Variants in HECW1 observed in about 807,000 individuals in gnomAD.
HECW1 encodes the protein E3 ubiquitin-protein ligase HECW1.
HECW1 carries 61 observed loss-of-function variants against 182.3 expected under a neutral mutation model. The observed-to-expected ratio is 0.33, with a 90% CI of 0.27 to 0.41. The LOEUF (loss-of-function observed/expected upper bound fraction) is 0.41. HECW1 is among the 10% of genes least tolerant of loss of function. HECW1 has a pLI of 1.00. For synonymous variants in HECW1, 859 were observed against 832.6 expected, an observed-to-expected ratio of 1.03 and a Z score of -0.55; for missense variants, 1,739 against 2,108.9, an observed-to-expected ratio of 0.82 and a Z score of 3.44.
At chr7:43,366,385 T>G (rs1816659553) in intron 6 of HECW1, among the ~76,000 whole-genome samples, 1 of 152,216 alleles carries the variant, frequency 6.6e-6, no homozygotes, top group African/African-American at 2.4e-5. Context: ...TACCTTTGGC[T>G]ATAGTAGCAT....
chr7:43,344,001 T>C (rs1458021043), intron 5 of HECW1, among the ~76,000 whole-genome samples: 1 of 151,920 alleles, frequency 6.6e-6, no homozygotes, highest in African/African-American at 2.4e-5. Context: ...ATTTCTCTGA[T>C]GACCAGTGAT....
At chr7:43,545,488 CA>C (rs2081523156) in intron 26 of HECW1, among the ~76,000 whole-genome samples, 1 of 152,110 alleles carries the variant, frequency 6.6e-6, no homozygotes, top group Admixed American at 6.5e-5. Flanking sequence ...CTTCAAAATG[CA>C]AAGGTTAGGG....
chr7:43,226,884 G>T (rs1261704782), intron 2 of HECW1, among the ~76,000 whole-genome samples: 1 of 152,206 alleles, frequency 6.6e-6, no homozygotes, highest in Non-Finnish European at 1.5e-5. Flanking sequence ...GCGTGTGGGG[G>T]CTCCAGAACA....
At chr7:43,530,670 T>G (rs2080947771) in intron 24 of HECW1, among the ~76,000 whole-genome samples, 1 of 152,192 alleles carries the variant, frequency 6.6e-6, no homozygotes, top group Admixed American at 6.5e-5. Flanking sequence ...GCTTCAAACT[T>G]TATTATCAAA....
chr7:43,360,944 C>T lies in HECW1; in HGVS notation c.519C>T (p.Thr173=), dbSNP rs1815800001. The change falls in exon 6 of 30, where the codon ACC becomes ACT. Residue 173 remains threonine (T), a synonymous_variant. Coordinates refer to ENST00000395891, the MANE Select transcript of HECW1 (RefSeq NM_015052.5). The stretch of plus-strand genomic sequence containing the variant: ...GAGTGAGTGGGGCCCTGCGAGCAAC[C>T]ACCCCCAGTGTCACGGTCAAAAACT... ...YHGVSGALRA[T]TPSVTVKNSA... is the part of the protein sequence containing the mutation. The T allele has an allele frequency of 1.2e-6, 2 of 1,613,558 alleles. No homozygotes were observed. The highest frequency in any genetic ancestry group is 1.3e-5 in the African/African-American group (1 of 74,900).
intron 13 of HECW1, among the ~76,000 whole-genome samples, chr7:43,460,308 A>G (rs2077538205): frequency 6.6e-6 from 1 of 152,168 alleles, no homozygotes; most frequent in Admixed American, 6.5e-5. Flanking sequence ...GTTTTTGTTG[A>G]TGTAAGAGGT....
intron 8 of HECW1, among the ~76,000 whole-genome samples, chr7:43,418,769 A>C (rs2076092066): frequency 6.6e-6 from 1 of 152,150 alleles, no homozygotes; most frequent in Non-Finnish European, 1.5e-5. Flanking sequence ...TAGCTGCTTT[A>C]AAGTATTTTC....
rs2082283857 is a variant in HECW1, at chr7:43,564,458, G to A, written c.*2532G>A. The A allele has an allele frequency of 5.4e-6, 1 of 185,982 alleles. No homozygotes were observed. The highest frequency in any genetic ancestry group is 1.1e-5 in the Non-Finnish European group (1 of 87,864). 11.5% of individuals were successfully genotyped at this position (185,982 alleles called of 1,614,324 possible). On this transcript the variant is annotated 3_prime_UTR_variant, in exon 30 of 30. Coordinates refer to ENST00000395891, the MANE Select transcript of HECW1 (RefSeq NM_015052.5). ...GTATCTCAGAAATTATATATAGATA[G>A]GTAACTTTGGCATACATGATTTTTC...
At chr7:43,264,275 T>C (rs1801502251) in intron 3 of HECW1, among the ~76,000 whole-genome samples, 1 of 152,232 alleles carries the variant, frequency 6.6e-6, no homozygotes, top group Admixed American at 6.5e-5. Flanking sequence ...ACTACCATTC[T>C]ACTCTCTGCT....
intron 2 of HECW1, among the ~76,000 whole-genome samples, chr7:43,197,943 C>A (rs1794621437): frequency 6.6e-6 from 1 of 151,992 alleles, no homozygotes; most frequent in Non-Finnish European, 1.5e-5. Flanking sequence ...CTGTGGCTGC[C>A]CCGTTCAGTC....
chr7:43,210,625 T>C (rs910510147), intron 2 of HECW1, among the ~76,000 whole-genome samples: 4 of 152,118 alleles, frequency 2.6e-5, no homozygotes, highest in Admixed American at 6.5e-5. Context: ...CAGTGAGTGT[T>C]ATAGCTCTAT....
chr7:43,136,727 A>C (rs112224289), intron 2 of HECW1, among the ~76,000 whole-genome samples: 1 of 152,184 alleles, frequency 6.6e-6, no homozygotes, highest in African/African-American at 2.4e-5. Context: ...TCCAAACTGC[A>C]GATAAGAGAA....
Position 43,246,284 on chromosome 7 carries a change from C to T in HECW1, c.27+2352C>T, listed in dbSNP as rs142151105. 2.7e-3 allele frequency among the ~76,000 whole-genome samples: 417 copies of T among 152,214 alleles called. 1 individual carries two copies. The highest frequency in any genetic ancestry group is 6.8e-3 in the Middle Eastern group (2 of 294). On this transcript the variant is annotated intron_variant, in intron 3 of 29. Transcript: ENST00000395891. ...CACCACTGCATTCCAGCCTGCGTGA[C>T]GTAGCAAGACCTTGTCTCTAAAAAA...
intron 3 of HECW1, among the ~76,000 whole-genome samples, chr7:43,274,777 T>A (rs1485311921): frequency 6.6e-6 from 1 of 152,230 alleles, no homozygotes; most frequent in Non-Finnish European, 1.5e-5. Context: ...CCAGCCAATG[T>A]GATAGATGTG....
chr7:43,275,770 T>A (rs1803062288), intron 3 of HECW1, among the ~76,000 whole-genome samples: 1 of 138,206 alleles, frequency 7.2e-6, no homozygotes, highest in Admixed American at 7.2e-5. Context: ...CTGCAACAAT[T>A]TCAGTCATTG....
At position 43,444,035 on chromosome 7, in the gene HECW1, A is replaced by C. The variant is rs543560053; in HGVS notation, c.1046-183A>C. Reference sequence around the variant, plus strand: ...CATGACTGCAAGTTGTTGTTAACATAGCAAGAACTCATTCTTACAGAATTT... The same window carrying C: ...CATGACTGCAAGTTGTTGTTAACATCGCAAGAACTCATTCTTACAGAATTT... On this transcript the variant is annotated intron_variant, in intron 10 of 29. Transcript: ENST00000395891. This position sits in a 1 kb window ranked among gnomAD's most constrained non-coding sequence, Gnocchi z 4.3. Among the ~76,000 whole-genome samples, 5 of 152,340 alleles carry C rather than the reference A, an allele frequency of 3.3e-5. No individual in the cohort carries two copies. The South Asian group carries it at 1.0e-3, about 32-fold the overall frequency.
At chr7:43,271,706 A>G (rs1802425114) in intron 3 of HECW1, among the ~76,000 whole-genome samples, 1 of 152,214 alleles carries the variant, frequency 6.6e-6, no homozygotes, top group South Asian at 2.1e-4. Flanking sequence ...TGGATGACGG[A>G]ATCAAATAGA....
intron 11 of HECW1, among the ~76,000 whole-genome samples, chr7:43,449,940 G>A (rs1220692374): frequency 6.6e-6 from 1 of 152,172 alleles, no homozygotes; most frequent in South Asian, 2.1e-4. Context: ...TCAGAACATC[G>A]TTCAGTTCAT....
intron 13 of HECW1, 28 bp from the exon 14 acceptor site, chr7:43,463,632 T>G (rs2077661188): frequency 6.2e-7 from 1 of 1,604,668 alleles, no homozygotes; most frequent in Non-Finnish European, 8.5e-7. Context: ...CAAAGTTAAC[T>G]CCTGTCTTTC....
Sources: gnomAD v4.1 joint callset for allele counts (sites outside exome capture counted in the v4.1 genomes callset) on GRCh38, gnomAD v4.1.1 for gene constraint, Gnocchi (gnomAD v3.1) non-coding constraint, MANE v1.5 for transcripts, NCBI Gene and HGNC (gene_info 2026-07-23, HGNC 2026-07-21) for gene names.